PPP2R2B: variants seen among roughly 807,000 people sequenced by gnomAD.
PPP2R2B encodes serine/threonine-protein phosphatase 2A 55 kDa regulatory subunit B beta isoform.
Under a neutral mutation model 46.0 loss-of-function variants are expected in PPP2R2B, and 5 were observed. That is an observed-to-expected ratio of 0.11 (90% confidence interval 0.06 to 0.23). PPP2R2B has a LOEUF of 0.23. PPP2R2B is among the 10% of genes least tolerant of loss of function. The pLI is 1.00. For missense variants in PPP2R2B, 367 were observed against 575.0 expected (o/e 0.64, Z 3.70); for synonymous variants, 215 against 206.7 (o/e 1.04, Z -0.34).
In PPP2R2B at chr5:146,794,524, G is replaced by T. The variant is rs192864337; in HGVS notation, c.70+83478C>A. On this transcript the variant is annotated intron_variant, in intron 2 of 9. Coordinates refer to ENST00000394411, the MANE Select transcript of PPP2R2B (RefSeq NM_181675.4). ...CACAGCAGAGCTATAAATAAAATGG[G>T]TTGCTATGAATGCCCACTTCCTTTT... 9.5e-4 allele frequency among the ~76,000 whole-genome samples: 145 copies of T among 152,274 alleles called. 1 individual carries two copies. Among genetic ancestry groups the T allele is most frequent in the Non-Finnish European group, 4.0e-4 (27 of 68,016 alleles).
At chr5:146,809,900 A>G (rs886608841) in intron 2 of PPP2R2B, among the ~76,000 whole-genome samples, 3 of 152,302 alleles carry the variant, frequency 2.0e-5, no homozygotes, top group Non-Finnish European at 4.4e-5. Flanking sequence ...TTAGACTCAC[A>G]TGGTAGTACT....
At chr5:146,840,878 C>G (rs1759596472) in intron 2 of PPP2R2B, among the ~76,000 whole-genome samples, 2 of 152,114 alleles carry the variant, frequency 1.3e-5, no homozygotes, top group South Asian at 4.2e-4. Flanking sequence ...ACAAACACGT[C>G]CTTAATCTGA....
intron 2 of PPP2R2B, among the ~76,000 whole-genome samples, chr5:146,805,396 A>G (rs1757115904): frequency 6.6e-6 from 1 of 152,222 alleles, no homozygotes; most frequent in East Asian, 1.9e-4. Flanking sequence ...TGCTGTTTTC[A>G]AAAGTAGAGA....
At chr5:146,705,724 T>C (rs1416905208) in intron 2 of PPP2R2B, among the ~76,000 whole-genome samples, 3 of 152,086 alleles carry the variant, frequency 2.0e-5, no homozygotes, top group Admixed American at 1.3e-4. Flanking sequence ...TTTGAGCATA[T>C]TTTCCACAAA....
intron 5 of PPP2R2B, among the ~76,000 whole-genome samples, chr5:146,667,581 A>C (rs1452649664): frequency 1.3e-5 from 2 of 152,074 alleles, no homozygotes; most frequent in Non-Finnish European, 2.9e-5. Flanking sequence ...ACTTAAAAAA[A>C]AAACCCAAAA....
At chr5:146,819,405 G>A (rs77549750) in intron 2 of PPP2R2B, among the ~76,000 whole-genome samples, 3,888 of 152,222 alleles carry the variant, frequency 0.026, 157 homozygotes, top group African/African-American at 0.089. Context: ...GGTGGGATGG[G>A]AGTATGCAGA....
intron 2 of PPP2R2B, among the ~76,000 whole-genome samples, chr5:146,838,183 T>A (rs11957997): frequency 1.3e-5 from 2 of 152,108 alleles, no homozygotes; most frequent in South Asian, 4.1e-4. Context: ...CTAATACTTA[T>A]ATTGTGACAA....
At chr5:146,727,171 T>C (rs993971571) in intron 2 of PPP2R2B, among the ~76,000 whole-genome samples, 1 of 152,076 alleles carries the variant, frequency 6.6e-6, no homozygotes, top group African/African-American at 2.4e-5. Context: ...CAAGGTCTCA[T>C]TGTATTAGCT....
chr5:146,844,210 G>A (rs373791052), intron 2 of PPP2R2B, among the ~76,000 whole-genome samples: 46 of 126,810 alleles, frequency 3.6e-4, no homozygotes, highest in African/African-American at 1.2e-3. Flanking sequence ...TGGTGGGGTC[G>A]GGGGAGGGGG....
intron 7 of PPP2R2B, among the ~76,000 whole-genome samples, chr5:146,608,358 C>T (rs1196382570): frequency 2.0e-5 from 3 of 152,204 alleles, no homozygotes; most frequent in Non-Finnish European, 4.4e-5. Context: ...CATATTGGGG[C>T]TAGAACCTGG....
At chr5:146,698,449 A>G (rs1268037946) in intron 3 of PPP2R2B, among the ~76,000 whole-genome samples, 2 of 150,800 alleles carry the variant, frequency 1.3e-5, no homozygotes, top group Non-Finnish European at 2.9e-5. Flanking sequence ...TTTTAAAATC[A>G]ATATAAATAG....
intron 2 of PPP2R2B, among the ~76,000 whole-genome samples, chr5:147,072,558 A>G (rs909547935): frequency 1.3e-5 from 2 of 152,248 alleles, no homozygotes; most frequent in Non-Finnish European, 1.5e-5. Flanking sequence ...AAACTTTCTG[A>G]GTCTCAATTT....
intron 6 of PPP2R2B, among the ~76,000 whole-genome samples, chr5:146,647,674 G>A (rs577454540): frequency 6.6e-6 from 1 of 152,116 alleles, no homozygotes; most frequent in Non-Finnish European, 1.5e-5. Context: ...AATGCCTAAA[G>A]AAACTCCCCT....
chr5:146,901,134 C>A (rs1490706691), intron 1 of PPP2R2B, among the ~76,000 whole-genome samples: 1 of 152,018 alleles, frequency 6.6e-6, no homozygotes, highest in Non-Finnish European at 1.5e-5. Flanking sequence ...TGAGGCACAC[C>A]CAGTTTTGAA....
chr5:146,670,431 C>T (rs2151120009), intron 5 of PPP2R2B, among the ~76,000 whole-genome samples: 1 of 151,128 alleles, frequency 6.6e-6, no homozygotes. Flanking sequence ...AAAACTCAGT[C>T]CTTTTAGTAC....
At chr5:146,902,270 C>G (rs895538694) in intron 1 of PPP2R2B, among the ~76,000 whole-genome samples, 2 of 152,096 alleles carry the variant, frequency 1.3e-5, no homozygotes, top group African/African-American at 4.8e-5. Context: ...AGTAGTCAAA[C>G]AGCAAAATAT....
chr5:146,830,091 T>A (rs1020791219), intron 2 of PPP2R2B, among the ~76,000 whole-genome samples: 5 of 152,180 alleles, frequency 3.3e-5, no homozygotes, highest in Admixed American at 1.3e-4. Context: ...TAGATGTTTC[T>A]TTTTTATTCT....
At chr5:147,074,507 GT>G (rs1214965921) in intron 2 of PPP2R2B, among the ~76,000 whole-genome samples, 1 of 152,148 alleles carries the variant, frequency 6.6e-6, no homozygotes, top group African/African-American at 2.4e-5. Context: ...AAGCGTATTT[GT>G]CAATCACTGA....
intron 5 of PPP2R2B, among the ~76,000 whole-genome samples, chr5:146,652,892 G>C (rs1285889722): frequency 2.6e-5 from 4 of 152,182 alleles, no homozygotes; most frequent in African/African-American, 9.7e-5. Context: ...AAACAAGTTA[G>C]AGGAAGAATG....
Sources: gnomAD v4.1 joint callset for allele counts (sites outside exome capture counted in the v4.1 genomes callset) on GRCh38, gnomAD v4.1.1 for gene constraint, MANE v1.5 for transcripts, NCBI Gene and HGNC (gene_info 2026-07-23, HGNC 2026-07-21) for gene names.